The following EYS variants were observed in gnomAD, a reference collection of about 807,000 sequenced individuals.
The protein encoded by EYS is protein eyes shut homolog.
EYS carries 250 observed loss-of-function variants against 282.1 expected under a neutral mutation model. The ratio of observed to expected loss-of-function variants is 0.89; its 90% CI spans 0.80 to 0.98. EYS has a LOEUF of 0.98. Ranked by LOEUF, EYS falls within the 50% of genes least tolerant of loss-of-function variation. The pLI is 0.00. For missense variants in EYS, 4,016 were observed against 3,709.0 expected (o/e 1.08, Z -2.15); for synonymous variants, 1,355 against 1,282.9 (o/e 1.06, Z -1.20).
chr6:65,530,825 G>C (rs138363471), intron 2 of EYS, among the ~76,000 whole-genome samples: 17 of 151,938 alleles, frequency 1.1e-4, no homozygotes, highest in Admixed American at 9.8e-4. Flanking sequence ...AGGGCCATTC[G>C]GTCTGCATAC....
Position 63,903,384 on chromosome 6 carries a change from G to A in EYS, c.7056-39026C>T, listed in dbSNP as rs147330101. Among the ~76,000 whole-genome samples, 6 of 152,286 alleles carry A rather than the reference G, an allele frequency of 3.9e-5. No individual in the cohort carries two copies. In the East Asian group the frequency reaches 1.2e-3, roughly 29 times the overall value. ...ATATGTAAAGGAAAGGAATGAGTTAGACCTGACTGATGTGATAGGTATGGA... is the reference window on the plus strand; with the variant it reads ...ATATGTAAAGGAAAGGAATGAGTTAAACCTGACTGATGTGATAGGTATGGA... On this transcript the variant is annotated intron_variant, in intron 35 of 42. Transcript: ENST00000503581.
intron 12 of EYS, among the ~76,000 whole-genome samples, chr6:65,134,335 A>T (rs529920994): frequency 5.4e-4 from 82 of 152,226 alleles, no homozygotes; most frequent in Middle Eastern, 3.4e-3. Context: ...GCAAGGACAT[A>T]GAATCAACCT....
chr6:64,686,328 G>T (rs971330195), intron 22 of EYS, among the ~76,000 whole-genome samples: 9 of 151,988 alleles, frequency 5.9e-5, no homozygotes, highest in African/African-American at 1.7e-4. Context: ...AAATAAAAAT[G>T]TTGATTTTTT....
chr6:65,293,460 C>T (rs912247776), intron 12 of EYS, among the ~76,000 whole-genome samples: 1 of 151,674 alleles, frequency 6.6e-6, no homozygotes, highest in Non-Finnish European at 1.5e-5. Flanking sequence ...ATGGCCTTAC[C>T]AAATGAATGT....
chr6:64,077,710 A>G (rs1413546260), intron 32 of EYS, among the ~76,000 whole-genome samples: 1 of 152,044 alleles, frequency 6.6e-6, no homozygotes, highest in African/African-American at 2.4e-5. Context: ...AGCAGCACAG[A>G]ATGGATCCAA....
At chr6:63,878,195 A>T (rs1331330275) in intron 35 of EYS, among the ~76,000 whole-genome samples, 1 of 152,226 alleles carries the variant, frequency 6.6e-6, no homozygotes, top group African/African-American at 2.4e-5. Context: ...TCCTTCTAAC[A>T]GTCAGGACCC....
intron 19 of EYS, among the ~76,000 whole-genome samples, chr6:64,827,744 G>A (rs1265865370): frequency 6.6e-6 from 1 of 151,752 alleles, no homozygotes; most frequent in Admixed American, 6.6e-5. Flanking sequence ...TTCTTATTAT[G>A]AACAATATTT....
intron 12 of EYS, among the ~76,000 whole-genome samples, chr6:65,205,171 T>C (rs1766005657): frequency 6.7e-6 from 1 of 150,044 alleles, no homozygotes; most frequent in South Asian, 2.1e-4. Flanking sequence ...GGGGGTCTAA[T>C]GGCTAGACAC....
intron 5 of EYS, among the ~76,000 whole-genome samples, chr6:65,486,534 C>G (rs1765790809): frequency 6.6e-6 from 1 of 152,088 alleles, no homozygotes; most frequent in Non-Finnish European, 1.5e-5. Flanking sequence ...TTAGATAAAG[C>G]ATTGAAGTTT....
intron 2 of EYS, among the ~76,000 whole-genome samples, chr6:65,578,485 A>G (rs969386260): frequency 4.6e-5 from 7 of 151,890 alleles, no homozygotes; most frequent in African/African-American, 1.7e-4. Context: ...CAAAGGACAC[A>G]AAATTTCAGT....
intron 35 of EYS, among the ~76,000 whole-genome samples, chr6:63,932,193 A>G (rs1764915273): frequency 6.6e-6 from 1 of 152,166 alleles, no homozygotes; most frequent in Non-Finnish European, 1.5e-5. Context: ...ATATTGTTCT[A>G]TTGTGTACAT....
At chr6:64,045,830 T>C (rs907487563) in intron 33 of EYS, among the ~76,000 whole-genome samples, 10 of 149,428 alleles carry the variant, frequency 6.7e-5, no homozygotes, top group African/African-American at 2.4e-4. Context: ...GATATATATG[T>C]ATATATGCAT....
chr6:65,446,771 G>A (rs116670356), intron 5 of EYS, among the ~76,000 whole-genome samples: 1,647 of 151,520 alleles, frequency 0.011, 26 homozygotes, highest in African/African-American at 0.038. Flanking sequence ...AATCTAAACT[G>A]GCCTATGAAA....
At chr6:65,267,667 G>A (rs1326320708) in intron 12 of EYS, among the ~76,000 whole-genome samples, 2 of 151,858 alleles carry the variant, frequency 1.3e-5, no homozygotes, top group Admixed American at 6.6e-5. Flanking sequence ...GTGTATAAGC[G>A]AGAACACAGG....
At chr6:65,540,730 C>T (rs1768135543) in intron 2 of EYS, among the ~76,000 whole-genome samples, 2 of 152,064 alleles carry the variant, frequency 1.3e-5, no homozygotes, top group South Asian at 2.1e-4. Flanking sequence ...ACCAGCCTGA[C>T]TAACATGGTG....
chr6:64,739,783 T>C lies in EYS; in HGVS notation c.3443+73595A>G, dbSNP rs561508623. On this transcript the variant is annotated intron_variant, in intron 22 of 42. Coordinates refer to ENST00000503581, the MANE Select transcript of EYS (RefSeq NM_001142800.2). Reference sequence around the variant, plus strand: ...CTTCAAATTCTCAGAAATTCTAAAATGTAATTTACATAAATGTTAGGGTCC... The same window carrying C: ...CTTCAAATTCTCAGAAATTCTAAAACGTAATTTACATAAATGTTAGGGTCC... 1.3e-4 allele frequency among the ~76,000 whole-genome samples: 20 copies of C among 152,232 alleles called. 2 individuals are homozygous for C. In the South Asian group the frequency reaches 3.7e-3, roughly 28 times the overall value.
intron 29 of EYS, among the ~76,000 whole-genome samples, chr6:64,374,042 C>A (rs1415753541): frequency 6.6e-6 from 1 of 151,980 alleles, no homozygotes; most frequent in African/African-American, 2.4e-5. Flanking sequence ...AGAAGCAGGA[C>A]CACTTGGCTG....
In EYS at chr6:63,913,301, C is replaced by T. The variant is rs111791563; in HGVS notation, c.7056-48943G>A. ...AGAAAGAAGAAAACTGACATGTGAA[C>T]TGTTCATTTTGTATAAATATATGTG... On this transcript the variant is annotated intron_variant, in intron 35 of 42. Coordinates refer to ENST00000503581, the MANE Select transcript of EYS (RefSeq NM_001142800.2). 5.1e-3 allele frequency among the ~76,000 whole-genome samples: 772 copies of T among 152,254 alleles called. 4 individuals carry two copies. The highest frequency in any genetic ancestry group is 0.017 in the African/African-American group (718 of 41,554).
chr6:63,813,894 T>TA (rs893854263), intron 36 of EYS, among the ~76,000 whole-genome samples: 7 of 152,306 alleles, frequency 4.6e-5, no homozygotes, highest in Middle Eastern at 3.4e-3. Context: ...TATCTTGAAA[T>TA]ACACATTTAA....
Sources: gnomAD v4.1 joint callset for allele counts (sites outside exome capture counted in the v4.1 genomes callset) on GRCh38, gnomAD v4.1.1 for gene constraint, MANE v1.5 for transcripts, NCBI Gene and HGNC (gene_info 2026-07-23, HGNC 2026-07-21) for gene names.